PARVG: variants seen among roughly 807,000 people sequenced by gnomAD.
The protein encoded by PARVG is parvin gamma, also known as gamma-parvin.
A neutral mutation model predicts 44.4 loss-of-function variants in PARVG; 36 were observed. The ratio of observed to expected loss-of-function variants is 0.81; its 90% CI spans 0.62 to 1.07. PARVG has a LOEUF of 1.07. PARVG is among the 50% of genes least tolerant of loss of function. The pLI is 0.00. For missense variants in PARVG, 407 were observed against 407.4 expected (o/e 1.00, Z 0.01); for synonymous variants, 170 against 174.1 (o/e 0.98, Z 0.19).
intron 12 of PARVG, among the ~76,000 whole-genome samples, chr22:44,205,400 C>T (rs903835967): frequency 3.9e-5 from 6 of 152,230 alleles, no homozygotes; most frequent in African/African-American, 1.4e-4. Context: ...CACCAGGCTT[C>T]ACCTCCACCA....
chr22:44,193,512 G>A (rs1035504322), intron 8 of PARVG, among the ~76,000 whole-genome samples: 1 of 152,198 alleles, frequency 6.6e-6, no homozygotes. Flanking sequence ...ACTTTATGAT[G>A]TGTGTGATGT....
At chr22:44,199,275 G>A (rs2054673262) in intron 12 of PARVG, among the ~76,000 whole-genome samples, 1 of 151,786 alleles carries the variant, frequency 6.6e-6, no homozygotes, top group African/African-American at 2.4e-5. Context: ...ATGTCTGTCT[G>A]TCCATCCATT....
At chr22:44,180,129 C>A (rs1251303142), upstream of PARVG, among the ~76,000 whole-genome samples, 2 of 152,150 alleles carry the variant, frequency 1.3e-5, no homozygotes, top group African/African-American at 4.8e-5. Context: ...CCAGCTGTGC[C>A]CTTCTGCTGG....
intron 1 of PARVG, chr22:44,181,407 G>A: frequency 1.0e-6 from 1 of 985,416 alleles, no homozygotes; most frequent in Non-Finnish European, 1.2e-6. Flanking sequence ...AGAGGAAGGG[G>A]CCTGGCCCGG....
exon 1 of PARVG, chr22:44,173,021 C>T (rs1288009533): frequency 1.6e-6 from 2 of 1,289,768 alleles, no homozygotes; most frequent in Non-Finnish European, 2.0e-6. Flanking sequence ...AGCGAAGGAA[C>T]AGGTGCCAGG....
intron 12 of PARVG, among the ~76,000 whole-genome samples, chr22:44,201,252 GCCTCTCCTGGC>G (rs1426631248): frequency 6.6e-6 from 1 of 152,092 alleles, no homozygotes; most frequent in Non-Finnish European, 1.5e-5. Flanking sequence ...CCTGCACTTT[GCCTCTCCTGGC>G]CCTCTCCCCA....
rs771832377 is a variant in PARVG at position 44,196,427 on chromosome 22, G to C, written c.711+12G>C. 5.0e-6 allele frequency: 8 copies of C among 1,614,028 alleles called. No homozygotes were observed. The East Asian group carries it at 1.1e-4, about 22-fold the overall frequency. Reference sequence around the variant, plus strand: ...ATCTGGACACCCAGGTAGGGACTGAGCTGCGGCGTCCCCAGGCAGGGCAGG... The same window carrying C: ...ATCTGGACACCCAGGTAGGGACTGACCTGCGGCGTCCCCAGGCAGGGCAGG... On this transcript the variant is annotated intron_variant, in intron 11 of 13. Transcript: ENST00000444313.
At position 44,207,279 on chromosome 22, in the gene PARVG, G is replaced by A. The variant is rs1369510405; in HGVS notation, c.*853G>A. On this transcript the variant is annotated 3_prime_UTR_variant, in exon 14 of 14. Transcript: ENST00000444313. ...GGAGGGCTGGGGCTGGCCGGGAGGG[G>A]TGGGACTGATGGGGAGGGGTGAGGC... is the stretch of plus-strand genomic sequence containing the variant. 1 of 87,454 alleles carries A rather than the reference G, an allele frequency of 1.1e-5. No homozygotes were observed. Among genetic ancestry groups the A allele is most frequent in the African/African-American group, 4.9e-5 (1 of 20,546 alleles). The allele number at this position is 87,454 out of a possible 1,614,324, so 5.4% of individuals were successfully genotyped here. A position where few individuals can be genotyped will look rare whatever the true frequency, so the allele number is the denominator to read the frequency against.
intron 6 of PARVG, among the ~76,000 whole-genome samples, chr22:44,189,608 C>T (rs1207519549): frequency 1.3e-5 from 2 of 152,200 alleles, no homozygotes; most frequent in African/African-American, 4.8e-5. Context: ...TCTGCAGGGC[C>T]TGCTTATACA....
chr22:44,190,302 T>A lies in PARVG; in HGVS notation c.389-249T>A, dbSNP rs1442451488. On this transcript the variant is annotated intron_variant, in intron 6 of 13. Transcript: ENST00000444313. ...ATTGTAAACAGTGCTGCAGTAAACA[T>A]CTTTGTGTCTAGAGCCCCTTCCACA... Among the ~76,000 whole-genome samples the A allele has an allele frequency of 3.3e-5, 5 of 152,178 alleles. No homozygotes were observed. In the East Asian group the frequency reaches 9.6e-4, roughly 29 times the overall value.
chr22:44,204,135 G>A (rs747435305), intron 12 of PARVG, among the ~76,000 whole-genome samples: 36 of 152,174 alleles, frequency 2.4e-4, no homozygotes, highest in Admixed American at 2.1e-3. Context: ...ATGAGCCACC[G>A]TGCCTAGCCT....
intron 1 of PARVG, 33 bp from the exon 2 acceptor site, chr22:44,181,709 C>T: frequency 1.0e-6 from 1 of 985,264 alleles, no homozygotes; most frequent in Non-Finnish European, 1.2e-6. Flanking sequence ...GCTTCACTTT[C>T]ACGGCATCCA....
chr22:44,185,930 G>T (rs374072801), intron 4 of PARVG, 58 bp downstream of exon 4: 5 of 1,528,664 alleles, frequency 3.3e-6, no homozygotes, highest in Non-Finnish European at 4.5e-6. Context: ...ACCAGGCAGC[G>T]GCCTCCACGG....
intron 11 of PARVG, among the ~76,000 whole-genome samples, chr22:44,197,658 G>C (rs986739244): frequency 6.6e-6 from 1 of 152,154 alleles, no homozygotes; most frequent in Non-Finnish European, 1.5e-5. Flanking sequence ...CACATTTGCT[G>C]TGTGACCTTG....
intron 5 of PARVG, chr22:44,188,131 C>A (rs2054500103): frequency 3.6e-6 from 2 of 557,444 alleles, no homozygotes; most frequent in Admixed American, 3.1e-5. Flanking sequence ...CCACACCACA[C>A]TGCCTCTCTA....
chr22:44,185,176 G>A (rs2054446082), intron 3 of PARVG: 1 of 152,520 alleles, frequency 6.6e-6, no homozygotes, highest in South Asian at 2.1e-4. Flanking sequence ...CCTAGGAAAA[G>A]CCTTTATTGG....
At chr22:44,198,945 C>CGT (rs2054661646) in intron 12 of PARVG, among the ~76,000 whole-genome samples, 1 of 23,052 alleles carries the variant, frequency 4.3e-5, no homozygotes, top group Non-Finnish European at 8.0e-5. Context: ...CATCCACCCA[C>CGT]CCATCCATCC....
chr22:44,189,360 C>T (rs1039478043), intron 6 of PARVG, 106 bp downstream of exon 6: 3 of 1,484,332 alleles, frequency 2.0e-6, no homozygotes, highest in Non-Finnish European at 2.7e-6. Flanking sequence ...CTTCTCCCAG[C>T]AGGGGTACAA....
Position 44,196,156 on chromosome 22 carries a change from G to C in PARVG, c.585G>C (p.Lys195Asn). 6.2e-7 allele frequency: 1 copy of C among 1,614,184 alleles called. No homozygotes were observed. The highest frequency in any genetic ancestry group is 2.2e-5 in the East Asian group (1 of 44,890). ...EYSTDKDEPPKDVFDELFKLA... is the reference protein window; with the variant it reads ...EYSTDKDEPPNDVFDELFKLA... ...TGTTTATTGGATCTGTGTCTGCAGAGGACGTCTTTGATGAATTATTTAAGC... is the reference window on the plus strand; with the variant it reads ...TGTTTATTGGATCTGTGTCTGCAGACGACGTCTTTGATGAATTATTTAAGC... The change falls in exon 10 of 14, where the codon AAG becomes AAC. Residue 195 changes from lysine (K) to asparagine (N), a missense_variant and splice_region_variant. Coordinates refer to ENST00000444313, the MANE Select transcript of PARVG (RefSeq NM_022141.7).
Sources: gnomAD v4.1 joint callset for allele counts (sites outside exome capture counted in the v4.1 genomes callset) on GRCh38, gnomAD v4.1.1 for gene constraint, MANE v1.5 for transcripts, NCBI Gene and HGNC (gene_info 2026-07-23, HGNC 2026-07-21) for gene names.